Variants in AGPS observed in about 807,000 individuals in gnomAD.
AGPS encodes alkylglycerone phosphate synthase.
AGPS carries 26 observed loss-of-function variants against 90.7 expected under a neutral mutation model. The ratio of observed to expected loss-of-function variants is 0.29; its 90% CI spans 0.21 to 0.40. The LOEUF (loss-of-function observed/expected upper bound fraction) is 0.40. Ranked by LOEUF, AGPS falls within the 10% of genes least tolerant of loss-of-function variation. AGPS has a pLI of 1.00. For missense variants in AGPS, 540 were observed against 816.1 expected (o/e 0.66, Z 4.12); for synonymous variants, 294 against 285.3 (o/e 1.03, Z -0.31).
chr2:177,531,655 A>G (rs924462655), intron 19 of AGPS, among the ~76,000 whole-genome samples: 3 of 152,184 alleles, frequency 2.0e-5, no homozygotes, highest in Non-Finnish European at 4.4e-5. Context: ...TTATTCTAAA[A>G]TTTATATGGT....
At chr2:177,454,365 C>T (rs1365184006) in intron 8 of AGPS, among the ~76,000 whole-genome samples, 2 of 151,844 alleles carry the variant, frequency 1.3e-5, no homozygotes, top group African/African-American at 4.8e-5. Context: ...TAATCTCAGA[C>T]ATTATATTTT....
intron 15 of AGPS, 99 bp downstream of exon 15, chr2:177,505,674 T>G (rs1574017879): frequency 9.2e-7 from 1 of 1,091,642 alleles, no homozygotes; most frequent in Non-Finnish European, 1.4e-6. Context: ...TTTTTTAAAA[T>G]TTTAAGCTAC....
intron 12 of AGPS, among the ~76,000 whole-genome samples, chr2:177,495,170 G>T (rs534302072): frequency 6.6e-6 from 1 of 151,940 alleles, no homozygotes; most frequent in East Asian, 1.9e-4. Context: ...AAAGTTTCTC[G>T]AATTTAGGGT....
intron 6 of AGPS, 62 bp from the exon 7 acceptor site, chr2:177,442,345 A>T: frequency 7.8e-7 from 1 of 1,287,066 alleles, no homozygotes; most frequent in South Asian, 1.2e-5. Context: ...GGGATTTGCC[A>T]TAGAAATATA....
At chr2:177,489,870 C>T (rs1296300788) in intron 11 of AGPS, among the ~76,000 whole-genome samples, 2 of 152,160 alleles carry the variant, frequency 1.3e-5, no homozygotes, top group Non-Finnish European at 2.9e-5. Context: ...AATATTCCCT[C>T]TCAGGTTAGT....
intron 1 of AGPS, among the ~76,000 whole-genome samples, chr2:177,413,168 C>T (rs1346380392): frequency 2.6e-5 from 4 of 152,180 alleles, no homozygotes; most frequent in Admixed American, 2.0e-4. Flanking sequence ...CCAACAATTA[C>T]GGTTTACAAC....
chr2:177,430,412 T>C (rs781562887), intron 2 of AGPS, among the ~76,000 whole-genome samples: 2 of 152,200 alleles, frequency 1.3e-5, no homozygotes, highest in African/African-American at 4.8e-5. Flanking sequence ...GTAAAACTCC[T>C]GGGTTACTGT....
intron 19 of AGPS, among the ~76,000 whole-genome samples, chr2:177,532,527 T>C (rs1218221416): frequency 6.6e-6 from 1 of 152,164 alleles, no homozygotes; most frequent in East Asian, 1.9e-4. Context: ...TGTAAAGTGG[T>C]ACAGCCATTC....
intron 8 of AGPS, among the ~76,000 whole-genome samples, chr2:177,446,176 C>T (rs929667026): frequency 1.3e-5 from 2 of 150,874 alleles, no homozygotes; most frequent in Non-Finnish European, 2.9e-5. Flanking sequence ...TTTTTTGAGA[C>T]GGAGTCTCAC....
intron 3 of AGPS, 150 bp from the exon 4 acceptor site, chr2:177,436,614 T>G (rs1574366000): frequency 1.4e-6 from 1 of 696,754 alleles, no homozygotes; most frequent in Non-Finnish European, 2.4e-6. Context: ...TAAAGCTGAT[T>G]TCTATATATG....
chr2:177,514,314 C>A (rs937393342), intron 17 of AGPS, among the ~76,000 whole-genome samples: 2 of 152,166 alleles, frequency 1.3e-5, no homozygotes, highest in Non-Finnish European at 2.9e-5. Flanking sequence ...TTAATCTCTT[C>A]AAGCTCTAAT....
chr2:177,457,325 A>G (rs1005221510), intron 8 of AGPS, among the ~76,000 whole-genome samples: 1 of 152,210 alleles, frequency 6.6e-6, no homozygotes, highest in African/African-American at 2.4e-5. Flanking sequence ...AGAAGACATG[A>G]AATAACTAAG....
intron 16 of AGPS, among the ~76,000 whole-genome samples, chr2:177,513,319 C>G (rs934741963): frequency 6.6e-6 from 1 of 152,038 alleles, no homozygotes; most frequent in African/African-American, 2.4e-5. Flanking sequence ...TCTCAAACTC[C>G]TGGGCTCAAG....
intron 2 of AGPS, among the ~76,000 whole-genome samples, chr2:177,426,446 G>C (rs1198292888): frequency 6.6e-6 from 1 of 152,204 alleles, no homozygotes; most frequent in Non-Finnish European, 1.5e-5. Context: ...GTAGTGGTGA[G>C]AGAAAGCATC....
At chr2:177,442,815 C>G (rs2105639144) in intron 7 of AGPS, among the ~76,000 whole-genome samples, 1 of 136,954 alleles carries the variant, frequency 7.3e-6, no homozygotes, top group South Asian at 2.5e-4. Context: ...CCACTGCACT[C>G]CAGCCTGGGT....
chr2:177,442,882 C>T (rs1445939535), intron 7 of AGPS, among the ~76,000 whole-genome samples: 10 of 148,054 alleles, frequency 6.8e-5, no homozygotes, highest in Non-Finnish European at 1.0e-4. Context: ...AAATGTATTT[C>T]ATCATTACAT....
At chr2:177,478,380 G>C (rs1483774376) in intron 10 of AGPS, among the ~76,000 whole-genome samples, 1 of 151,730 alleles carries the variant, frequency 6.6e-6, no homozygotes, top group East Asian at 1.9e-4. Context: ...TTGATGTATA[G>C]GTTATTGGTT....
chr2:177,532,534 A>C (rs1011515225), intron 19 of AGPS, among the ~76,000 whole-genome samples: 2 of 152,232 alleles, frequency 1.3e-5, no homozygotes, highest in Non-Finnish European at 2.9e-5. Context: ...TGGTACAGCC[A>C]TTCTGGAAAA....
intron 5 of AGPS, 64 bp downstream of exon 5, chr2:177,437,118 G>A: frequency 2.2e-5 from 32 of 1,449,684 alleles, no homozygotes; most frequent in Non-Finnish European, 3.1e-5. Flanking sequence ...ATTTAACATT[G>A]GAAATACGTA....
Sources: allele counts gnomAD v4.1 joint callset (sites outside exome capture counted in the v4.1 genomes callset), GRCh38; gene constraint gnomAD v4.1.1; transcripts MANE v1.5; gene names NCBI Gene and HGNC (gene_info 2026-07-23, HGNC 2026-07-21).